Variants in CNTN4 observed in about 807,000 individuals in gnomAD.
CNTN4 encodes contactin-4.
In CNTN4, 77 loss-of-function variants were observed where a neutral mutation model predicts 122.5. The observed-to-expected ratio is 0.63, with a 90% confidence interval of 0.52 to 0.76. The LOEUF is 0.76. Among genes scored for constraint, CNTN4 ranks in the 30% least tolerant of loss-of-function variants. CNTN4 has a pLI of 0.00. For synonymous variants in CNTN4, 512 were observed against 447.0 expected, an observed-to-expected ratio of 1.15 and a Z score of -1.83; for missense variants, 1,256 against 1,259.1, an observed-to-expected ratio of 1.00 and a Z score of 0.04.
At chr3:2,396,924 A>G (rs1344403832) in intron 3 of CNTN4, among the ~76,000 whole-genome samples, 1 of 152,166 alleles carries the variant, frequency 6.6e-6, no homozygotes, top group Admixed American at 6.6e-5. Context: ...AGGATATTCA[A>G]CCCAACAAAC....
At chr3:2,224,343 C>T (rs1178318998) in intron 2 of CNTN4, among the ~76,000 whole-genome samples, 1 of 152,156 alleles carries the variant, frequency 6.6e-6, no homozygotes, top group Non-Finnish European at 1.5e-5. Flanking sequence ...CACCTGGGCA[C>T]TGAGTTCCTA....
intron 13 of CNTN4, among the ~76,000 whole-genome samples, chr3:2,926,807 G>T (rs768525736): frequency 2.0e-5 from 3 of 152,044 alleles, no homozygotes; most frequent in Non-Finnish European, 4.4e-5. Flanking sequence ...TATGGACTAA[G>T]GAGTAACAAA....
chr3:2,164,231 G>GA (rs796951467), intron 2 of CNTN4, among the ~76,000 whole-genome samples: 214 of 148,838 alleles, frequency 1.4e-3, no homozygotes, highest in Middle Eastern at 3.5e-3. Flanking sequence ...ATTGCTTGAG[G>GA]AAAAAAAAAA....
intron 4 of CNTN4, among the ~76,000 whole-genome samples, chr3:2,626,829 T>TTGTTG (rs2082208996): frequency 6.6e-6 from 1 of 152,184 alleles, no homozygotes; most frequent in African/African-American, 2.4e-5. Context: ...GATACAAAAA[T>TTGTTG]TGTTACGAGG....
chr3:2,338,288 C>G (rs1360357903), intron 2 of CNTN4, among the ~76,000 whole-genome samples: 2 of 151,954 alleles, frequency 1.3e-5, no homozygotes, highest in Non-Finnish European at 2.9e-5. Flanking sequence ...TTTTGCAATT[C>G]AGCCAGAGAA....
chr3:2,473,990 G>A (rs1456829903), intron 3 of CNTN4, among the ~76,000 whole-genome samples: 1 of 151,476 alleles, frequency 6.6e-6, no homozygotes, highest in East Asian at 1.9e-4. Context: ...CTCCAGCCTG[G>A]GCGACAAAAG....
intron 7 of CNTN4, among the ~76,000 whole-genome samples, chr3:2,840,945 A>C (rs1270869376): frequency 1.3e-5 from 2 of 152,104 alleles, no homozygotes; most frequent in East Asian, 1.9e-4. Flanking sequence ...CTAATTGCTA[A>C]AGAGGTGATG....
chr3:2,869,320 G>A (rs925882542), intron 8 of CNTN4, among the ~76,000 whole-genome samples: 189 of 152,136 alleles, frequency 1.2e-3, no homozygotes, highest in African/African-American at 4.2e-3. Context: ...GAAATGATGG[G>A]GGGTGAAACT....
chr3:2,447,552 TC>T (rs2048670335), intron 3 of CNTN4, among the ~76,000 whole-genome samples: 1 of 152,154 alleles, frequency 6.6e-6, no homozygotes, highest in Non-Finnish European at 1.5e-5. Flanking sequence ...AAGAGCAATT[TC>T]TTTTTCTACG....
At position 2,798,238 on chromosome 3, in the gene CNTN4, A is replaced by G. The variant is rs2092251986; in HGVS notation, c.359-21248A>G. On this transcript the variant is annotated intron_variant, in intron 6 of 24. Transcript: ENST00000418658. ...AGTTCCATCGATGTTGCTACAAAAGACAAGATTTTATTCTTTTTTATGGCT... is the reference window on the plus strand; with the variant it reads ...AGTTCCATCGATGTTGCTACAAAAGGCAAGATTTTATTCTTTTTTATGGCT... 2.0e-5 allele frequency among the ~76,000 whole-genome samples: 3 copies of G among 151,654 alleles called. No individual in the cohort carries two copies. The South Asian group carries it at 6.2e-4, about 32-fold the overall frequency.
chr3:2,473,161 G>A (rs2075735134), intron 3 of CNTN4, among the ~76,000 whole-genome samples: 1 of 150,852 alleles, frequency 6.6e-6, no homozygotes, highest in Non-Finnish European at 1.5e-5. Flanking sequence ...AACCCAAAAG[G>A]TGGAGGTTGC....
chr3:2,347,762 A>G (rs577585090), intron 3 of CNTN4, among the ~76,000 whole-genome samples: 2 of 152,026 alleles, frequency 1.3e-5, no homozygotes, highest in East Asian at 3.9e-4. Flanking sequence ...TGTAGTATTT[A>G]TGAAAAGCAC....
At chr3:2,548,788 T>C (rs143173280) in intron 3 of CNTN4, among the ~76,000 whole-genome samples, 3,965 of 152,286 alleles carry the variant, frequency 0.026, 186 homozygotes, top group African/African-American at 0.091. Context: ...TTTCATGATA[T>C]TGATTCTTCC....
intron 13 of CNTN4, among the ~76,000 whole-genome samples, chr3:2,984,320 T>A (rs1694348707): frequency 2.0e-5 from 3 of 152,204 alleles, no homozygotes; most frequent in Admixed American, 2.0e-4. Context: ...GAAGGGATTT[T>A]AAAAACTGAA....
chr3:2,984,536 C>G (rs1425623897), intron 13 of CNTN4, among the ~76,000 whole-genome samples: 1 of 152,244 alleles, frequency 6.6e-6, no homozygotes, highest in Non-Finnish European at 1.5e-5. Flanking sequence ...TTGGGAAACT[C>G]TGTCTCAGAG....
At chr3:2,715,245 GA>G (rs2087421163) in intron 4 of CNTN4, among the ~76,000 whole-genome samples, 1 of 152,120 alleles carries the variant, frequency 6.6e-6, no homozygotes, top group Admixed American at 6.5e-5. Flanking sequence ...ATAATAAAAG[GA>G]AAATGAATTG....
At chr3:2,258,781 A>AT (rs1251405090) in intron 2 of CNTN4, among the ~76,000 whole-genome samples, 1 of 151,732 alleles carries the variant, frequency 6.6e-6, no homozygotes, top group Non-Finnish European at 1.5e-5. Context: ...ACCTTTTTAT[A>AT]TTTTTTTATT....
intron 4 of CNTN4, among the ~76,000 whole-genome samples, chr3:2,650,954 T>A (rs1013713079): frequency 2.6e-5 from 4 of 152,172 alleles, no homozygotes; most frequent in African/African-American, 9.7e-5. Flanking sequence ...TGTATGAAAT[T>A]TCATAGGCTG....
chr3:2,305,300 T>A (rs2042665908), intron 2 of CNTN4, among the ~76,000 whole-genome samples: 1 of 152,154 alleles, frequency 6.6e-6, no homozygotes, highest in Non-Finnish European at 1.5e-5. Context: ...ATGTGACAAC[T>A]GAGAGGGTTA....
Sources: allele counts gnomAD v4.1 joint callset (sites outside exome capture counted in the v4.1 genomes callset), GRCh38; gene constraint gnomAD v4.1.1; transcripts MANE v1.5; gene names NCBI Gene and HGNC (gene_info 2026-07-23, HGNC 2026-07-21).